Variants in OSBPL10 observed in about 807,000 individuals in gnomAD.
OSBPL10 encodes oxysterol binding protein like 10.
OSBPL10 carries 49 observed loss-of-function variants against 81.7 expected under a neutral mutation model. The ratio of observed to expected loss-of-function variants is 0.60; its 90% CI spans 0.48 to 0.76. OSBPL10 has a LOEUF of 0.76. Ranked by LOEUF, OSBPL10 falls within the 30% of genes least tolerant of loss-of-function variation. OSBPL10 has a pLI of 0.00. For missense variants in OSBPL10, 923 were observed against 987.8 expected (o/e 0.93, Z 0.88); for synonymous variants, 419 against 383.6 (o/e 1.09, Z -1.08).
intron 4 of OSBPL10, among the ~76,000 whole-genome samples, chr3:31,808,935 T>C (rs1699593874): frequency 6.6e-6 from 1 of 152,218 alleles, no homozygotes; most frequent in Non-Finnish European, 1.5e-5. Flanking sequence ...TAATACCTCT[T>C]CTGGACTTCG....
intron 1 of OSBPL10, among the ~76,000 whole-genome samples, chr3:32,051,698 T>C (rs1699671057): frequency 6.6e-6 from 1 of 152,186 alleles, no homozygotes; most frequent in African/African-American, 2.4e-5. Flanking sequence ...TCTTGAATGG[T>C]TCCACCCTGA....
chr3:31,711,470 T>C (rs769820990), intron 6 of OSBPL10, among the ~76,000 whole-genome samples: 9 of 152,228 alleles, frequency 5.9e-5, no homozygotes, highest in Non-Finnish European at 1.3e-4. Context: ...GAGGGTTTCA[T>C]TTCTAGAATT....
chr3:32,066,139 G>GGGAAGAAA (rs1209079159), intron 1 of OSBPL10, among the ~76,000 whole-genome samples: 1 of 70,010 alleles, frequency 1.4e-5, no homozygotes, highest in African/African-American at 3.7e-5. Context: ...GAGAGAGAAA[G>GGGAAGAAA]GGAAGAAAGG....
intron 1 of OSBPL10, among the ~76,000 whole-genome samples, chr3:31,925,176 C>T (rs943991187): frequency 4.6e-5 from 7 of 152,136 alleles, no homozygotes; most frequent in South Asian, 2.1e-4. Context: ...TGGAACTTCT[C>T]AAGGGCCAGA....
chr3:31,814,761 C>T (rs1176554191), intron 4 of OSBPL10, among the ~76,000 whole-genome samples: 1 of 152,152 alleles, frequency 6.6e-6, no homozygotes, highest in African/African-American at 2.4e-5. Context: ...CTTGGTTGTA[C>T]AGCGTATTAA....
intron 8 of OSBPL10, among the ~76,000 whole-genome samples, chr3:31,678,826 G>GTGTGTGTT (rs1553612977): frequency 2.2e-4 from 31 of 143,524 alleles, no homozygotes; most frequent in Non-Finnish European, 1.5e-4. Flanking sequence ...GTGTGTGTGT[G>GTGTGTGTT]TGTGTAGGAG....
intron 1 of OSBPL10, among the ~76,000 whole-genome samples, chr3:31,920,922 C>T (rs1005647917): frequency 2.0e-5 from 3 of 152,090 alleles, no homozygotes; most frequent in African/African-American, 7.2e-5. Context: ...AAGCAGATAC[C>T]GGCACTATGT....
chr3:31,836,714 C>G (rs1559485747), intron 3 of OSBPL10, among the ~76,000 whole-genome samples: 4 of 152,156 alleles, frequency 2.6e-5, no homozygotes, highest in Admixed American at 6.5e-5. Flanking sequence ...TCTCCACTTT[C>G]CACAGATCCA....
intron 4 of OSBPL10, among the ~76,000 whole-genome samples, chr3:31,824,564 A>G (rs1228762229): frequency 6.6e-6 from 1 of 152,178 alleles, no homozygotes; most frequent in Non-Finnish European, 1.5e-5. Context: ...TGATATCGTC[A>G]AGGGCAAGAT....
intron 2 of OSBPL10, among the ~76,000 whole-genome samples, chr3:32,043,085 A>C (rs1314273257): frequency 1.3e-5 from 2 of 151,892 alleles, no homozygotes; most frequent in East Asian, 4.0e-4. Flanking sequence ...AGGGTACTGC[A>C]GGAGACCAGG....
chr3:32,054,943 G>A (rs998351654), intron 1 of OSBPL10, among the ~76,000 whole-genome samples: 5 of 152,088 alleles, frequency 3.3e-5, no homozygotes, highest in African/African-American at 4.8e-5. Context: ...GACGGGTATA[G>A]GACATTGACA....
intron 1 of OSBPL10, among the ~76,000 whole-genome samples, chr3:32,072,443 A>G (rs757288874): frequency 3.3e-5 from 5 of 152,052 alleles, no homozygotes; most frequent in Non-Finnish European, 5.9e-5. Flanking sequence ...CCATCTATCA[A>G]TCTCTTCCCA....
In OSBPL10 at chr3:31,892,321, G is replaced by A. The variant is rs553564708; in HGVS notation, c.282-12491C>T. Among the ~76,000 whole-genome samples, 7 of 152,310 alleles carry A rather than the reference G, an allele frequency of 4.6e-5. No homozygotes were observed. The South Asian group carries it at 1.5e-3, about 32-fold the overall frequency. On this transcript the variant is annotated intron_variant, in intron 1 of 11. Coordinates refer to ENST00000396556, the MANE Select transcript of OSBPL10 (RefSeq NM_017784.5). ...AGACGTAGGCAATGCAAACCATGCT[G>A]CGCCTACAAGGCGTGGCGGGACTTT... is the stretch of plus-strand genomic sequence containing the variant.
chr3:31,744,091 C>T (rs141723006), intron 5 of OSBPL10, among the ~76,000 whole-genome samples: 23 of 152,306 alleles, frequency 1.5e-4, no homozygotes, highest in African/African-American at 5.3e-4. Flanking sequence ...ATTTAAGACA[C>T]ACAGTAGGTT....
At chr3:31,949,233 A>G (rs34033904) in intron 1 of OSBPL10, among the ~76,000 whole-genome samples, 1 of 152,202 alleles carries the variant, frequency 6.6e-6, no homozygotes, top group Non-Finnish European at 1.5e-5. Flanking sequence ...CAATCAACTG[A>G]AAAAACAGGA....
At chr3:31,860,231 C>A (rs558834405) in intron 3 of OSBPL10, among the ~76,000 whole-genome samples, 1 of 152,190 alleles carries the variant, frequency 6.6e-6, no homozygotes, top group East Asian at 1.9e-4. Flanking sequence ...ATTCACTGCA[C>A]GAAGCACAGT....
chr3:31,869,239 A>C (rs1701258997), intron 3 of OSBPL10, among the ~76,000 whole-genome samples: 1 of 152,248 alleles, frequency 6.6e-6, no homozygotes, highest in Admixed American at 6.5e-5. Context: ...AAATGGTCTA[A>C]GCAGGTATGC....
intron 3 of OSBPL10, among the ~76,000 whole-genome samples, chr3:31,871,303 G>T (rs1055840720): frequency 2.0e-5 from 3 of 151,806 alleles, no homozygotes; most frequent in Non-Finnish European, 4.4e-5. Context: ...CTCCAGATGC[G>T]CCGCCTTAAG....
intron 3 of OSBPL10, among the ~76,000 whole-genome samples, chr3:31,874,910 A>G (rs1701413825): frequency 6.6e-6 from 1 of 152,140 alleles, no homozygotes; most frequent in African/African-American, 2.4e-5. Context: ...GACGTCACAC[A>G]TTACAGCATT....
Sources: allele counts gnomAD v4.1 joint callset (sites outside exome capture counted in the v4.1 genomes callset), GRCh38; gene constraint gnomAD v4.1.1; transcripts MANE v1.5; gene names NCBI Gene and HGNC (gene_info 2026-07-23, HGNC 2026-07-21).